ZNF214: variants seen among roughly 807,000 people sequenced by gnomAD.
The protein encoded by ZNF214 is BWSCR2-associated zinc finger protein 1.
Under a neutral mutation model 53.9 loss-of-function variants are expected in ZNF214, and 43 were observed. The ratio of observed to expected loss-of-function variants is 0.80; its 90% confidence interval spans 0.63 to 1.03. The LOEUF (loss-of-function observed/expected upper bound fraction) is 1.03. Ranked by LOEUF, ZNF214 falls within the 50% of genes least tolerant of loss-of-function variation. The pLI is 0.00. For missense variants in ZNF214, 724 were observed against 719.1 expected, an observed-to-expected ratio of 1.01 and a Z score of -0.08; for synonymous variants, 217 against 229.5, an observed-to-expected ratio of 0.95 and a Z score of 0.49.
At chr11:7,014,303 G>A (rs1851692275) in intron 1 of ZNF214, among the ~76,000 whole-genome samples, 1 of 152,190 alleles carries the variant, frequency 6.6e-6, no homozygotes, top group Non-Finnish European at 1.5e-5. Flanking sequence ...TACAAGAACA[G>A]TTAGAGCATA....
At chr11:7,017,409 T>C (rs1438430381) in intron 1 of ZNF214, among the ~76,000 whole-genome samples, 1 of 152,194 alleles carries the variant, frequency 6.6e-6, no homozygotes, top group East Asian at 1.9e-4. Flanking sequence ...TAACAAATTA[T>C]GTATAAGAAT....
rs143785175 is a variant in ZNF214 at position 7,000,691 on chromosome 11, T to C, written c.992A>G (p.Tyr331Cys). Residue 331 changes from tyrosine (Y) to cysteine (C), a missense_variant, in exon 3 of 3, where the codon TAT becomes TGT. Transcript: ENST00000278314. Reference protein sequence around the residue: ...HQRVHTEEKFYKIECDKDLSR... With the variant: ...HQRVHTEEKFCKIECDKDLSR... ...GAGGTCTTTATCACACTCAATTTTA[T>C]AGAATTTCTCTTCTGTGTGGACTCT... is the stretch of plus-strand genomic sequence containing the variant. 2.4e-3 allele frequency: 3,874 copies of C among 1,603,306 alleles called. 10 individuals are homozygous for C. Among genetic ancestry groups the C allele is most frequent in the South Asian group, 2.7e-3 (244 of 89,732 alleles).
chr11:7,002,756 A>C lies in ZNF214; in HGVS notation c.80T>G (p.Leu27Arg). 1 of 1,610,092 alleles carries C rather than the reference A, an allele frequency of 6.2e-7. No homozygotes were observed. The highest frequency in any genetic ancestry group is 2.2e-5 in the East Asian group (1 of 44,586). ...WKFLDSSQKR[L>R]YREVMWENYT... is the part of the protein sequence containing the mutation. ...GTTCTCCCACATGACCTCCCTGTAG[A>C]GTCTTTTTTGAGAAGAATCCAGGAA... The change falls in exon 2 of 3, where the codon CTC (leucine) becomes CGC (arginine). Residue 27 changes from leucine to arginine, a missense_variant. Coordinates refer to ENST00000278314, the MANE Select transcript of ZNF214 (RefSeq NM_013249.4).
intron 1 of ZNF214, among the ~76,000 whole-genome samples, chr11:7,012,818 A>G (rs1455496605): frequency 6.6e-6 from 1 of 152,202 alleles, no homozygotes; most frequent in Non-Finnish European, 1.5e-5. Context: ...TGAATTCATA[A>G]TCTACTACCA....
intron 1 of ZNF214, among the ~76,000 whole-genome samples, chr11:7,015,531 T>C (rs1357029152): frequency 2.6e-5 from 4 of 151,822 alleles, no homozygotes; most frequent in Non-Finnish European, 5.9e-5. Context: ...GAGCCAAGAG[T>C]GTGCCACTGA....
rs761451117 is a variant in ZNF214 at position 7,000,093 on chromosome 11, A to G, written c.1590T>C (p.Asp530=). 6.2e-6 allele frequency: 10 copies of G among 1,613,186 alleles called. No individual in the cohort carries two copies. Among genetic ancestry groups the G allele is most frequent in the Admixed American group, 1.7e-5 (1 of 59,854 alleles). The change falls in exon 3 of 3, where the codon GAT becomes GAC. Residue 530 remains aspartate, a synonymous_variant. Coordinates refer to ENST00000278314, the MANE Select transcript of ZNF214 (RefSeq NM_013249.4). Reference sequence around the variant, plus strand: ...AACTGTGACTAAAACCCTTTCCACAATCATGACATTTATAGGGCTTTTCTC... The same window carrying G: ...AACTGTGACTAAAACCCTTTCCACAGTCATGACATTTATAGGGCTTTTCTC... ...HTGEKPYKCH[D]CGKGFSHSSN...
At chr11:7,008,951 GA>G (rs1238053444) in intron 1 of ZNF214, among the ~76,000 whole-genome samples, 1 of 151,724 alleles carries the variant, frequency 6.6e-6, no homozygotes, top group African/African-American at 2.4e-5. Flanking sequence ...TAAACAAATG[GA>G]AAAACATTCT....
rs775339140 is a variant in ZNF214, at chr11:7,000,382, C to T, written c.1301G>A (p.Arg434Lys). 1.2e-6 allele frequency: 2 copies of T among 1,613,442 alleles called. No individual in the cohort carries two copies. The highest frequency in any genetic ancestry group is 1.1e-5 in the South Asian group (1 of 91,056). Residue 434 changes from arginine (R) to lysine (K), a missense_variant, in exon 3 of 3, where the codon AGA becomes AAA. Arg to Lys is a conservative substitution (Grantham distance 26). Transcript: ENST00000278314. ...ATAAGGTTTCTCTCCTGTATGCACT[C>T]TCTGATGAATTTGAAGATTTGAGCG... ...TQRSNLQIHQ[R>K]VHTGEKPYKC... is the part of the protein sequence containing the mutation.
At chr11:7,015,289 G>T (rs1467091981) in intron 1 of ZNF214, among the ~76,000 whole-genome samples, 2 of 152,066 alleles carry the variant, frequency 1.3e-5, no homozygotes. Flanking sequence ...GCTAAAAATA[G>T]GGTTGGGGTC....
chr11:7,019,512 T>C (rs1183682149), intron 1 of ZNF214, among the ~76,000 whole-genome samples: 3 of 152,170 alleles, frequency 2.0e-5, no homozygotes, highest in Non-Finnish European at 2.9e-5. Flanking sequence ...CTCCCCTACT[T>C]GCTAAACAGG....
intron 1 of ZNF214, among the ~76,000 whole-genome samples, chr11:7,014,545 G>A (rs1851701590): frequency 6.6e-6 from 1 of 152,250 alleles, no homozygotes; most frequent in Middle Eastern, 3.4e-3. Flanking sequence ...ATTGTGTTTA[G>A]AAATGTACCT....
chr11:7,010,530 T>C (rs970571479), intron 1 of ZNF214, among the ~76,000 whole-genome samples: 3 of 151,486 alleles, frequency 2.0e-5, no homozygotes, highest in African/African-American at 7.3e-5. Flanking sequence ...TCACAATTTA[T>C]ATAACAAAGC....
At chr11:7,018,743 C>A (rs1337983454) in intron 1 of ZNF214, among the ~76,000 whole-genome samples, 1 of 152,064 alleles carries the variant, frequency 6.6e-6, no homozygotes, top group Admixed American at 6.5e-5. Flanking sequence ...CTCAAGTGAT[C>A]CGCCCACCTT....
chr11:7,015,830 T>C (rs1482207617), intron 1 of ZNF214: 2 of 152,184 alleles, frequency 1.3e-5, no homozygotes, highest in African/African-American at 4.8e-5. Flanking sequence ...TTCAATGGCA[T>C]ATTAAAACTT....
chr11:7,000,303 A>G lies in ZNF214; in HGVS notation c.1380T>C (p.His460=). 1 of 1,613,340 alleles carries G rather than the reference A, an allele frequency of 6.2e-7. No individual in the cohort carries two copies. Among genetic ancestry groups the G allele is most frequent in the Non-Finnish European group, 8.5e-7 (1 of 1,179,572 alleles). ...GTTTCTCCCCTGTATGGACTCTCTG[A>G]TGAATGCGAAGATCTGAGCTGTGAC... The part of the protein sequence containing the change: ...DFSHSSDLRI[H]QRVHTGEKPY... Residue 460 remains histidine (H), a synonymous_variant, in exon 3 of 3, where the codon CAT becomes CAC. Transcript: ENST00000278314.
intron 2 of ZNF214, among the ~76,000 whole-genome samples, chr11:7,001,872 A>C (rs906669882): frequency 2.6e-5 from 4 of 152,052 alleles, no homozygotes; most frequent in African/African-American, 9.7e-5. Flanking sequence ...AATAGTCGTA[A>C]AGACTGAGAT....
intron 1 of ZNF214, among the ~76,000 whole-genome samples, chr11:7,012,600 ATAAGAT>A (rs917489653): frequency 4.6e-5 from 7 of 152,182 alleles, no homozygotes; most frequent in African/African-American, 1.7e-4. Flanking sequence ...AAAAATAAAA[ATAAGAT>A]TAGGGAAATA....
At position 7,015,089 on chromosome 11, in the gene ZNF214, A is replaced by AT. The variant is rs58140877; in HGVS notation, c.-21+4983dup. On this transcript the variant is annotated intron_variant, in intron 1 of 2. Coordinates refer to ENST00000278314, the MANE Select transcript of ZNF214 (RefSeq NM_013249.4). ...TTCAGACATATAAATAATAATTAGA[A>AT]TTTTTTTTTTTTTTTTTTTTGAGAC... 6.1e-4 allele frequency among the ~76,000 whole-genome samples: 73 copies of AT among 119,556 alleles called. 1 individual carries two copies. Among genetic ancestry groups the AT allele is most frequent in the African/African-American group, 1.8e-3 (59 of 33,594 alleles). The allele number at this position is 119,556 out of a possible 152,430, so 78.4% of individuals were successfully genotyped here.
chr11:7,007,314 AAAT>A (rs1851492339), intron 1 of ZNF214, among the ~76,000 whole-genome samples: 1 of 23,364 alleles, frequency 4.3e-5, no homozygotes, highest in African/African-American at 6.0e-5. Flanking sequence ...AAGATGGCAA[AAAT>A]AATAAAATAA....
Sources: gnomAD v4.1 joint callset for allele counts (sites outside exome capture counted in the v4.1 genomes callset) on GRCh38, gnomAD v4.1.1 for gene constraint, MANE v1.5 for transcripts, NCBI Gene and HGNC (gene_info 2026-07-23, HGNC 2026-07-21) for gene names.